UGT1A10: variants seen among roughly 807,000 people sequenced by gnomAD.
UGT1A10 encodes the protein UDP-glucuronosyltransferase 1A10.
In UGT1A10, 49 loss-of-function variants were observed where a neutral mutation model predicts 45.8. The observed-to-expected ratio is 1.07, with a 90% CI of 0.85 to 1.36. UGT1A10 has a LOEUF of 1.36. Ranked by LOEUF, UGT1A10 falls within the 40% of genes most tolerant of loss-of-function variation. The probability of loss-of-function intolerance (pLI) is 0.00; values close to 1 mark genes in which losing one functional copy is unlikely to be tolerated. For missense variants in UGT1A10, 745 were observed against 668.6 expected (o/e 1.11, Z -1.26); for synonymous variants, 284 against 249.7 (o/e 1.14, Z -1.29).
intron 1 of UGT1A10, among the ~76,000 whole-genome samples, chr2:233,645,208 A>G (rs2073567693): frequency 6.6e-6 from 1 of 152,192 alleles, no homozygotes; most frequent in African/African-American, 2.4e-5. Flanking sequence ...CTTATTCACT[A>G]TCAAGAGAAC....
At chr2:233,755,259 T>C in intron 1 of UGT1A10, 1 of 802,542 alleles carries the variant, frequency 1.2e-6, no homozygotes, top group African/African-American at 1.7e-5. Context: ...CACCTCGTAG[T>C]AGTCCACTAT....
chr2:233,729,260 G>T (rs774974731), intron 1 of UGT1A10: 2 of 1,614,092 alleles, frequency 1.2e-6, no homozygotes, highest in East Asian at 2.2e-5. Flanking sequence ...CTCAGCATGC[G>T]GGAGGTCTTG....
intron 1 of UGT1A10, among the ~76,000 whole-genome samples, chr2:233,710,997 T>G (rs1288211350): frequency 6.6e-6 from 1 of 152,218 alleles, no homozygotes; most frequent in Admixed American, 6.5e-5. Context: ...ATCAGGCTAT[T>G]GGATGCCTTT....
chr2:233,678,755 TATCAGGTC>T (rs78535700), intron 1 of UGT1A10, among the ~76,000 whole-genome samples: 27,593 of 152,060 alleles, frequency 0.18, 2,704 homozygotes, highest in Non-Finnish European at 0.23. Flanking sequence ...CACTCATCTC[TATCAGGTC>T]ATCTATTGAT....
At chr2:233,663,770 G>A (rs939228887) in intron 1 of UGT1A10, among the ~76,000 whole-genome samples, 2 of 152,192 alleles carry the variant, frequency 1.3e-5, no homozygotes, top group African/African-American at 4.8e-5. Context: ...GGACAGCTTG[G>A]AGGTTAGAAG....
chr2:233,725,083 A>C (rs2077363375), intron 1 of UGT1A10, among the ~76,000 whole-genome samples: 1 of 145,276 alleles, frequency 6.9e-6, no homozygotes, highest in African/African-American at 2.6e-5. Flanking sequence ...GGCACTCGGC[A>C]GGCTGAGGCA....
rs549717724 is a variant in UGT1A10 at position 233,729,172 on chromosome 2, C to T, written c.856-37862C>T. 1.0e-4 allele frequency: 161 copies of T among 1,613,762 alleles called. No homozygotes were observed. In the East Asian group the frequency reaches 3.5e-3, roughly 35 times the overall value. ...TCCCCTGCCGTGGCTGGCCACAGGA[C>T]TGCTGCTTCTCCTCAGTGTCCAGCC... On this transcript the variant is annotated intron_variant, in intron 1 of 4. Coordinates refer to ENST00000344644, the MANE Select transcript of UGT1A10 (RefSeq NM_019075.4).
intron 1 of UGT1A10, chr2:233,708,634 C>CTAA (rs2076027247): frequency 6.6e-6 from 1 of 152,130 alleles, no homozygotes; most frequent in Non-Finnish European, 1.5e-5. Flanking sequence ...GCCTGTAGAC[C>CTAA]TAACTACTCG....
intron 1 of UGT1A10, chr2:233,682,259 C>G (rs201200762): frequency 1.2e-5 from 20 of 1,614,172 alleles, no homozygotes; most frequent in Middle Eastern, 1.6e-4. Flanking sequence ...TGCATTTTCT[C>G]TATTAACAAG....
chr2:233,654,218 A>G (rs965363856), intron 1 of UGT1A10, among the ~76,000 whole-genome samples: 1 of 152,234 alleles, frequency 6.6e-6, no homozygotes. Context: ...AAAAACCTCC[A>G]AATTAACCTA....
In UGT1A10 at chr2:233,726,943, A is replaced by T. The variant is rs548004940; in HGVS notation, c.856-40091A>T. On this transcript the variant is annotated intron_variant, in intron 1 of 4. Coordinates refer to ENST00000344644, the MANE Select transcript of UGT1A10 (RefSeq NM_019075.4). Reference sequence around the variant, plus strand: ...GATCTTCCTTTTTTCATTTTTAAAAAACAATACCTTTCAAAGAGCAAAAGT... The same window carrying T: ...GATCTTCCTTTTTTCATTTTTAAAATACAATACCTTTCAAAGAGCAAAAGT... Among the ~76,000 whole-genome samples the T allele has an allele frequency of 5.9e-5, 9 of 152,338 alleles. No individual in the cohort carries two copies. The South Asian group carries it at 1.9e-3, about 32-fold the overall frequency.
intron 1 of UGT1A10, chr2:233,743,799 C>T: frequency 7.3e-7 from 1 of 1,367,352 alleles, no homozygotes. Flanking sequence ...TCCGCTTCCT[C>T]CTTGTTCTCA....
intron 1 of UGT1A10, among the ~76,000 whole-genome samples, chr2:233,671,463 G>T (rs1575414865): frequency 6.6e-6 from 1 of 152,200 alleles, no homozygotes; most frequent in African/African-American, 2.4e-5. Context: ...TAGGAGGTCA[G>T]TGCTAAGGGC....
intron 1 of UGT1A10, among the ~76,000 whole-genome samples, chr2:233,668,540 C>T (rs774366374): frequency 7.9e-5 from 12 of 152,110 alleles, no homozygotes; most frequent in Non-Finnish European, 1.6e-4. Flanking sequence ...CTTTATAGTA[C>T]CATGATTTAT....
At chr2:233,646,623 T>C (rs1290624649) in intron 1 of UGT1A10, among the ~76,000 whole-genome samples, 1 of 121,898 alleles carries the variant, frequency 8.2e-6, no homozygotes, top group Non-Finnish European at 2.1e-5. Context: ...CCAGTCTCTT[T>C]GCTAAAACAT....
chr2:233,712,961 G>T (rs2076264324), intron 1 of UGT1A10: 1 of 1,612,910 alleles, frequency 6.2e-7, no homozygotes, highest in Non-Finnish European at 8.5e-7. Context: ...AACGTGGGGT[G>T]GACAGTCAGC....
At chr2:233,718,622 T>C (rs2125661272) in intron 1 of UGT1A10, 2 of 893,490 alleles carry the variant, frequency 2.2e-6, no homozygotes, top group Non-Finnish European at 2.7e-6. Flanking sequence ...TAGGCGTGAT[T>C]GGTCTTTCCC....
chr2:233,772,291 G>A lies in UGT1A10; in HGVS notation c.1325G>A (p.Ser442Asn), dbSNP rs1248654212. 6.2e-7 allele frequency: 1 copy of A among 1,614,228 alleles called. No individual in the cohort carries two copies. The highest frequency in any genetic ancestry group is 1.1e-5 in the South Asian group (1 of 91,084). The change falls in exon 5 of 5, where the codon AGC becomes AAC. Residue 442 changes from serine (S) to asparagine (N), a missense_variant. Ser to Asn is a conservative substitution (Grantham distance 46, BLOSUM62 1). Transcript: ENST00000344644. ...SYKENIMRLS[S>N]LHKDRPVEPL... ...AAGGAGAACATCATGCGCCTCTCCAGCCTTCACAAGGACCGCCCGGTGGAG... is the reference window on the plus strand; with the variant it reads ...AAGGAGAACATCATGCGCCTCTCCAACCTTCACAAGGACCGCCCGGTGGAG...
chr2:233,760,564 G>C, intron 1 of UGT1A10: 1 of 1,614,242 alleles, frequency 6.2e-7, no homozygotes, highest in Non-Finnish European at 8.5e-7. Context: ...AGAGTCTTTT[G>C]TTAGTCTCGG....
Sources: allele counts gnomAD v4.1 joint callset (sites outside exome capture counted in the v4.1 genomes callset), GRCh38; gene constraint gnomAD v4.1.1; transcripts MANE v1.5; gene names NCBI Gene and HGNC (gene_info 2026-07-23, HGNC 2026-07-21).